NELL1: variants seen among roughly 807,000 people sequenced by gnomAD.
NELL1 encodes the protein protein kinase C-binding protein NELL1.
NELL1 carries 76 observed loss-of-function variants against 107.4 expected under a neutral mutation model. The ratio of observed to expected loss-of-function variants is 0.71; its 90% CI spans 0.59 to 0.86. The LOEUF is 0.86. Among genes scored for constraint, NELL1 ranks in the 40% least tolerant of loss-of-function variants. The pLI, the probability that NELL1 is intolerant of heterozygous loss-of-function variation, is 0.00. For missense variants in NELL1, 1,024 were observed against 1,005.5 expected, an observed-to-expected ratio of 1.02 and a Z score of -0.25; for synonymous variants, 353 against 341.2, an observed-to-expected ratio of 1.03 and a Z score of -0.38.
chr11:20,954,784 G>A (rs964699920), intron 11 of NELL1, among the ~76,000 whole-genome samples: 1 of 152,154 alleles, frequency 6.6e-6, no homozygotes, highest in African/African-American at 2.4e-5. Context: ...TGTCTCACCG[G>A]CCCTTCACTG....
intron 14 of NELL1, among the ~76,000 whole-genome samples, chr11:21,344,480 A>G (rs1438200944): frequency 6.6e-6 from 1 of 152,092 alleles, no homozygotes; most frequent in East Asian, 1.9e-4. Flanking sequence ...GCTGAATAAC[A>G]TTCAGCTGTT....
At chr11:21,415,174 A>G (rs1225976226) in intron 15 of NELL1, among the ~76,000 whole-genome samples, 1 of 152,070 alleles carries the variant, frequency 6.6e-6, no homozygotes, top group African/African-American at 2.4e-5. Context: ...CTGAAAGCAC[A>G]AATTGAGCAT....
At position 21,382,096 on chromosome 11, in the gene NELL1, G is replaced by A. The variant is rs1045174473; in HGVS notation, c.1645+11148G>A. On this transcript the variant is annotated intron_variant, in intron 15 of 19. Transcript: ENST00000357134. ...TCTACAAATATTTTCTTAGTTCTTC[G>A]TTGATTCCTCAAATTGAAGAAAGGC... Among the ~76,000 whole-genome samples the A allele has an allele frequency of 7.3e-5, 11 of 151,690 alleles. No individual in the cohort carries two copies. In the East Asian group the frequency reaches 1.2e-3, roughly 16 times the overall value.
At chr11:20,934,486 A>AT (rs1274014620) in intron 9 of NELL1, among the ~76,000 whole-genome samples, 1 of 152,186 alleles carries the variant, frequency 6.6e-6, no homozygotes, top group African/African-American at 2.4e-5. Context: ...ACAATGAGGC[A>AT]TTTTTATCTC....
intron 15 of NELL1, among the ~76,000 whole-genome samples, chr11:21,493,233 G>C (rs556625930): frequency 6.6e-6 from 1 of 151,800 alleles, no homozygotes; most frequent in African/African-American, 2.4e-5. Flanking sequence ...CCCACTACGG[G>C]GTATTTATCC....
intron 14 of NELL1, among the ~76,000 whole-genome samples, chr11:21,234,406 A>G (rs1430965099): frequency 6.6e-6 from 1 of 152,152 alleles, no homozygotes; most frequent in African/African-American, 2.4e-5. Context: ...GCCACTTGGT[A>G]TATTCATGTG....
chr11:20,995,920 T>G (rs972704510), intron 12 of NELL1, among the ~76,000 whole-genome samples: 2 of 152,156 alleles, frequency 1.3e-5, no homozygotes, highest in Admixed American at 6.5e-5. Flanking sequence ...GGAAGTTTCA[T>G]GAAGAAGGCA....
chr11:20,867,812 T>G (rs1347460304), intron 4 of NELL1, among the ~76,000 whole-genome samples: 1 of 152,200 alleles, frequency 6.6e-6, no homozygotes, highest in African/African-American at 2.4e-5. Flanking sequence ...ACACTTTGGA[T>G]ACAGAGGAGC....
chr11:20,944,958 T>G, intron 10 of NELL1, among the ~76,000 whole-genome samples: 1 of 152,340 alleles, frequency 6.6e-6, no homozygotes, highest in South Asian at 2.1e-4. Context: ...TAATATTTTG[T>G]TTTTACAAAA....
intron 14 of NELL1, among the ~76,000 whole-genome samples, chr11:21,296,729 T>C (rs1317965526): frequency 6.6e-6 from 1 of 151,956 alleles, no homozygotes; most frequent in African/African-American, 2.4e-5. Context: ...ACAGATGGAA[T>C]GGTGATGAAT....
intron 15 of NELL1, among the ~76,000 whole-genome samples, chr11:21,462,777 A>T (rs556077218): frequency 4.6e-4 from 70 of 152,188 alleles, no homozygotes; most frequent in African/African-American, 1.6e-3. Context: ...TCTAACGTAG[A>T]AAAATAAGCA....
At chr11:21,509,274 G>A (rs1192164020) in intron 15 of NELL1, among the ~76,000 whole-genome samples, 3 of 152,192 alleles carry the variant, frequency 2.0e-5, no homozygotes, top group African/African-American at 4.8e-5. Context: ...TTTCGTTGGG[G>A]CATAAATTAT....
rs1283137370 is a variant in NELL1, at chr11:20,885,692, TG to T, written c.603+153del. 4 of 597,336 alleles carry T rather than the reference TG, an allele frequency of 6.7e-6. No homozygotes were observed. The African/African-American group carries it at 7.4e-5, about 11-fold the overall frequency. 37.0% of individuals were successfully genotyped at this position (597,336 alleles called of 1,614,324 possible). On this transcript the variant is annotated intron_variant, in intron 5 of 19. Coordinates refer to ENST00000357134, the MANE Select transcript of NELL1 (RefSeq NM_006157.5). The stretch of plus-strand genomic sequence containing the variant: ...TATTGAACACTTACTTTGTGACACA[TG>T]CTTTTTTATGTGCTTGACATGAATA...
At chr11:21,198,351 A>G (rs1302891452) in intron 13 of NELL1, among the ~76,000 whole-genome samples, 2 of 152,246 alleles carry the variant, frequency 1.3e-5, no homozygotes, top group African/African-American at 2.4e-5. Context: ...TTCTAAGGCC[A>G]GTCCAGATTC....
Position 20,847,663 on chromosome 11 carries a change from C to G in NELL1, c.416C>G (p.Ala139Gly). The G allele has an allele frequency of 6.2e-7, 1 of 1,613,830 alleles. No homozygotes were observed. Reference protein sequence around the residue: ...YIHNGKPRTEALPYRMADGQW... With the variant: ...YIHNGKPRTEGLPYRMADGQW... The stretch of plus-strand genomic sequence containing the variant: ...CACAATGGGAAGCCAAGGACAGAGG[C>G]ACTTCCTTACCGCATGGCAGATGGA... Residue 139 changes from alanine to glycine, a missense_variant, in exon 4 of 20, where the codon GCA becomes GGA. Physicochemically the swap from Ala to Gly is moderately conservative, Grantham distance 60. Coordinates refer to ENST00000357134, the MANE Select transcript of NELL1 (RefSeq NM_006157.5).
Position 21,545,288 on chromosome 11 carries a change from C to T in NELL1, c.1786+10774C>T, listed in dbSNP as rs556228387. Among the ~76,000 whole-genome samples the T allele has an allele frequency of 1.1e-4, 17 of 151,964 alleles. No individual in the cohort carries two copies. In the South Asian group the frequency reaches 1.2e-3, roughly 11 times the overall value. ...AGAGTTGGTTATGTGATGTCTCAGA[C>T]GACAGGACCTCAAAGTCCCAGAAGC... On this transcript the variant is annotated intron_variant, in intron 16 of 19. Transcript: ENST00000357134.
intron 15 of NELL1, 31 bp from the exon 16 acceptor site, chr11:21,534,343 C>A: frequency 6.2e-7 from 1 of 1,613,016 alleles, no homozygotes; most frequent in Non-Finnish European, 8.5e-7. Flanking sequence ...AAATTAATAT[C>A]CTGGTGGGCT....
intron 12 of NELL1, among the ~76,000 whole-genome samples, chr11:20,989,996 CAAAAA>C (rs35612589): frequency 8.7e-6 from 1 of 114,902 alleles, no homozygotes. Context: ...GACTCCGTCT[CAAAAA>C]AAAAAAAAAA....
At chr11:21,335,115 A>G (rs1288548225) in intron 14 of NELL1, among the ~76,000 whole-genome samples, 2 of 152,066 alleles carry the variant, frequency 1.3e-5, no homozygotes, top group Non-Finnish European at 2.9e-5. Flanking sequence ...AAAACTCATA[A>G]TATGGAAGAT....
Sources: allele counts gnomAD v4.1 joint callset (sites outside exome capture counted in the v4.1 genomes callset), GRCh38; gene constraint gnomAD v4.1.1; transcripts MANE v1.5; gene names NCBI Gene and HGNC (gene_info 2026-07-23, HGNC 2026-07-21).